PHEX: variants seen among roughly 807,000 people sequenced by gnomAD.
PHEX encodes phosphate-regulating neutral endopeptidase PHEX.
In PHEX, 16 loss-of-function variants were observed where a neutral mutation model predicts 68.0. That is an observed-to-expected ratio of 0.24 (90% confidence interval 0.16 to 0.36). The LOEUF (loss-of-function observed/expected upper bound fraction) is 0.36, where lower values mean the gene tolerates loss of function less well. Ranked by LOEUF, PHEX falls within the 10% of genes least tolerant of loss-of-function variation. The probability of loss-of-function intolerance (pLI) is 1.00; values close to 1 mark genes in which losing one functional copy is unlikely to be tolerated. For synonymous variants in PHEX, 208 were observed against 205.1 expected (o/e 1.01, Z -0.12); for missense variants, 480 against 575.5 (o/e 0.83, Z 1.70).
Position 22,033,044 on chromosome X carries a change from G to A in PHEX, c.39G>A (p.Lys13=), listed in dbSNP as rs1186515646. 13 of 1,210,282 alleles carry A rather than the reference G, an allele frequency of 1.1e-5. No individual in the cohort carries two copies. The highest frequency in any genetic ancestry group is 2.2e-5 in the Admixed American group (1 of 45,905). Reference sequence around the variant, plus strand: ...CAGGGAGCAGCGTGGAGACTGGAAAGAAGGCCAACAGAGGCACTCGAATTG... The same window carrying A: ...CAGGGAGCAGCGTGGAGACTGGAAAAAAGGCCAACAGAGGCACTCGAATTG... ...AETGSSVETG[K]KANRGTRIAL... The change falls in exon 1 of 22, where the codon AAG becomes AAA. Residue 13 remains lysine, a synonymous_variant. Coordinates refer to ENST00000379374, the MANE Select transcript of PHEX (RefSeq NM_000444.6).
At chrX:22,194,975 T>C (rs1385687119) in intron 15 of PHEX, among the ~76,000 whole-genome samples, 3 of 112,420 alleles carry the variant, frequency 2.7e-5, no homozygotes, top group Non-Finnish European at 5.6e-5. Context: ...CCTAACTTTG[T>C]GATAACTGCG....
intron 3 of PHEX, among the ~76,000 whole-genome samples, chrX:22,056,716 C>T (rs1335346134): frequency 2.8e-5 from 3 of 107,805 alleles, no homozygotes; most frequent in Non-Finnish European, 5.7e-5. Context: ...GAGCCGAAAT[C>T]GCTCCACTGC....
At chrX:22,062,003 A>G (rs780684736) in intron 3 of PHEX, among the ~76,000 whole-genome samples, 1 of 111,451 alleles carries the variant, frequency 9.0e-6, no homozygotes, top group African/African-American at 3.3e-5. Context: ...GGTGAGAGAG[A>G]GTGAGCAAGA....
intron 3 of PHEX, among the ~76,000 whole-genome samples, chrX:22,047,835 T>G (rs1051943616): frequency 1.8e-5 from 2 of 111,992 alleles, no homozygotes; most frequent in Admixed American, 1.9e-4. Flanking sequence ...TTGGAGGATA[T>G]TCTGTTAGCA....
intron 3 of PHEX, among the ~76,000 whole-genome samples, chrX:22,060,930 C>A (rs1393991099): frequency 9.0e-6 from 1 of 111,561 alleles, no homozygotes; most frequent in Non-Finnish European, 1.9e-5. Flanking sequence ...AAACTACTTC[C>A]TGAAAGAGGA....
intron 12 of PHEX, among the ~76,000 whole-genome samples, chrX:22,147,655 A>G (rs190263706): frequency 1.6e-3 from 173 of 111,156 alleles, no homozygotes; most frequent in African/African-American, 5.4e-3. Flanking sequence ...AAACAGCCTG[A>G]TACCAAGAGA....
intron 20 of PHEX, among the ~76,000 whole-genome samples, chrX:22,228,227 T>C (rs182807280): frequency 3.6e-5 from 4 of 112,291 alleles, no homozygotes; most frequent in Admixed American, 1.9e-4. Context: ...GCCAAATCTT[T>C]ATTAGCTATT....
At chrX:22,224,995 C>CATACAGCGCTGTATGAGTTATT (rs1569433299) in intron 18 of PHEX, among the ~76,000 whole-genome samples, 1 of 3,205 alleles carries the variant, frequency 3.1e-4, no homozygotes, top group Non-Finnish European at 6.3e-4. Flanking sequence ...CTCTGTATGT[C>CATACAGCGCTGTATGAGTTATT]AGAAGTCTGA....
chrX:22,241,216 C>T (rs983071638), intron 20 of PHEX, among the ~76,000 whole-genome samples: 4 of 112,082 alleles, frequency 3.6e-5, no homozygotes, highest in African/African-American at 9.7e-5. Context: ...TAAAGATGTT[C>T]TTTGAAACTA....
At chrX:22,197,589 A>C (rs930669779) in intron 15 of PHEX, among the ~76,000 whole-genome samples, 3 of 110,780 alleles carry the variant, frequency 2.7e-5, no homozygotes, top group African/African-American at 9.9e-5. Flanking sequence ...CTTTCAGATG[A>C]CCGTGGCCCA....
intron 14 of PHEX, among the ~76,000 whole-genome samples, chrX:22,182,938 C>T (rs911168209): frequency 8.9e-6 from 1 of 111,919 alleles, no homozygotes; most frequent in Non-Finnish European, 1.9e-5. Context: ...TAATTTATTG[C>T]TCCCCCTTGA....
chrX:22,067,536 G>A (rs1007161895), intron 3 of PHEX, among the ~76,000 whole-genome samples: 6 of 111,732 alleles, frequency 5.4e-5, no homozygotes, highest in Non-Finnish European at 9.4e-5. Context: ...GCTGCAGAGT[G>A]AGGAAATCAG....
chrX:22,123,211 A>T (rs773756085), intron 11 of PHEX, among the ~76,000 whole-genome samples: 31 of 108,747 alleles, frequency 2.9e-4, no homozygotes, highest in Non-Finnish European at 5.3e-4. Context: ...CTGGTCTTGG[A>T]CTCGTGAGCT....
intron 5 of PHEX, among the ~76,000 whole-genome samples, chrX:22,082,647 G>A (rs5951688): frequency 0.38 from 42,234 of 111,200 alleles, 6,734 homozygotes; most frequent in African/African-American, 0.61. Context: ...ACTTTCTGCC[G>A]TTCTGTGGGT....
At chrX:22,123,871 G>T (rs1931600818) in intron 11 of PHEX, among the ~76,000 whole-genome samples, 1 of 95,599 alleles carries the variant, frequency 1.0e-5, no homozygotes, top group African/African-American at 4.2e-5. Flanking sequence ...TCGCCCTGTT[G>T]CCCAGGCTGG....
intron 7 of PHEX, among the ~76,000 whole-genome samples, chrX:22,095,992 C>T (rs150568276): frequency 0.017 from 1,873 of 111,364 alleles, 53 homozygotes; most frequent in African/African-American, 0.058. Flanking sequence ...TGATTGGAAC[C>T]AAGTGGAGTG....
At position 22,130,595 on chromosome X, in the gene PHEX, A is replaced by G. The variant is rs1342318382; in HGVS notation, c.1303-2928A>G. On this transcript the variant is annotated intron_variant, in intron 11 of 21. Coordinates refer to ENST00000379374, the MANE Select transcript of PHEX (RefSeq NM_000444.6). Reference sequence around the variant, plus strand: ...AAACTTAGGCATGCTGATAGGCAAAAGATCTAGTCCCCGGAGATTTCCTTG... The same window carrying G: ...AAACTTAGGCATGCTGATAGGCAAAGGATCTAGTCCCCGGAGATTTCCTTG... 1.1e-4 allele frequency among the ~76,000 whole-genome samples: 12 copies of G among 109,656 alleles called. No individual in the cohort carries two copies. In the Admixed American group the frequency reaches 1.2e-3, roughly 11 times the overall value.
intron 12 of PHEX, among the ~76,000 whole-genome samples, chrX:22,163,930 T>C (rs1243005773): frequency 8.9e-6 from 1 of 112,090 alleles, no homozygotes; most frequent in Non-Finnish European, 1.9e-5. Flanking sequence ...AATTGGAGGC[T>C]TAGGTAACCT....
chrX:22,225,064 T>C (rs775999210), intron 18 of PHEX, among the ~76,000 whole-genome samples: 8 of 32,157 alleles, frequency 2.5e-4, no homozygotes, highest in African/African-American at 9.9e-4. Context: ...TTTGTAGAGG[T>C]TCTAGGGGAG....
Sources: allele counts gnomAD v4.1 joint callset (sites outside exome capture counted in the v4.1 genomes callset), GRCh38; gene constraint gnomAD v4.1.1; transcripts MANE v1.5; gene names NCBI Gene and HGNC (gene_info 2026-07-23, HGNC 2026-07-21).